CAMTA1: variants seen among roughly 807,000 people sequenced by gnomAD.
The protein encoded by CAMTA1 is calmodulin-binding transcription activator 1.
A neutral mutation model predicts 170.9 loss-of-function variants in CAMTA1; 27 were observed. The observed-to-expected ratio is 0.16, with a 90% confidence interval of 0.12 to 0.22. The LOEUF is 0.22. Ranked by LOEUF, CAMTA1 falls within the 10% of genes least tolerant of loss-of-function variation. CAMTA1 has a pLI of 1.00. For synonymous variants in CAMTA1, 833 were observed against 891.5 expected (o/e 0.93, Z 1.17); for missense variants, 1,619 against 2,217.2 (o/e 0.73, Z 5.42).
At position 7,635,231 on chromosome 1, in the gene CAMTA1, G is replaced by A. The variant is rs546678188; in HGVS notation, c.511-5169G>A. Among the ~76,000 whole-genome samples, 71 of 152,182 alleles carry A rather than the reference G, an allele frequency of 4.7e-4. No individual in the cohort carries two copies. The highest frequency in any genetic ancestry group is 6.8e-3 in the Middle Eastern group (2 of 294). On this transcript the variant is annotated intron_variant, in intron 6 of 22. Coordinates refer to ENST00000303635, the MANE Select transcript of CAMTA1 (RefSeq NM_015215.4). The surrounding 1 kb of genome is among the most constrained non-coding windows in gnomAD (Gnocchi z 4.4). ...TCTTCTTCCCTCCCTGAACCCACAG[G>A]GCCTGACAGGGTGGTGAACCCCACG...
intron 5 of CAMTA1, among the ~76,000 whole-genome samples, chr1:7,394,944 G>A (rs2089147993): frequency 1.3e-5 from 2 of 150,998 alleles, no homozygotes; most frequent in Non-Finnish European, 1.5e-5. Context: ...ATGCAGTGGT[G>A]CAATCTCAGC....
intron 3 of CAMTA1, among the ~76,000 whole-genome samples, chr1:6,950,640 A>G (rs1303534891): frequency 6.6e-6 from 1 of 152,050 alleles, no homozygotes; most frequent in Non-Finnish European, 1.5e-5. Context: ...CCTTGAACTG[A>G]TTAGTAGGTA....
rs1295231685 is a variant in CAMTA1, at chr1:7,372,401, T to TTAC, written c.439-95427_439-95426insCTA. Among the ~76,000 whole-genome samples the TTAC allele has an allele frequency of 4.6e-5, 7 of 152,370 alleles. No homozygotes were observed. In the East Asian group the frequency reaches 1.3e-3, roughly 29 times the overall value. ...GTTTAGTTTTTTGTTTGTTGTTTAG[T>TTAC]TAAACTAGCATGCAGTTTCTTTTTC... On this transcript the variant is annotated intron_variant, in intron 5 of 22. Coordinates refer to ENST00000303635, the MANE Select transcript of CAMTA1 (RefSeq NM_015215.4).
At chr1:7,615,508 G>A (rs1259544488) in intron 6 of CAMTA1, among the ~76,000 whole-genome samples, 1 of 152,246 alleles carries the variant, frequency 6.6e-6, no homozygotes, top group African/African-American at 2.4e-5. Flanking sequence ...TCCCGGAGCT[G>A]TTAAGAGGGT....
At chr1:7,470,285 G>C (rs78185419) in intron 6 of CAMTA1, among the ~76,000 whole-genome samples, 6,984 of 152,346 alleles carry the variant, frequency 0.046, 262 homozygotes, top group South Asian at 0.13. Context: ...TGCACGCCCT[G>C]CTCGGAGCCC....
At chr1:7,712,847 C>A (rs568276700) in intron 11 of CAMTA1, among the ~76,000 whole-genome samples, 39 of 8,802 alleles carry the variant, frequency 4.4e-3, no homozygotes, top group African/African-American at 4.8e-3. Context: ...AAAGGCACGT[C>A]TTAACATGGC....
At chr1:7,488,770 A>T (rs181100581) in intron 6 of CAMTA1, among the ~76,000 whole-genome samples, 19 of 152,218 alleles carry the variant, frequency 1.2e-4, no homozygotes, top group Non-Finnish European at 2.5e-4. Context: ...ACATATGCAC[A>T]TGCTTGTAAT....
At chr1:7,221,002 C>CG (rs1456864489) in intron 4 of CAMTA1, among the ~76,000 whole-genome samples, 1 of 152,184 alleles carries the variant, frequency 6.6e-6, no homozygotes, top group African/African-American at 2.4e-5. Flanking sequence ...TGTGCCCTCA[C>CG]GGGGAATTCC....
intron 3 of CAMTA1, among the ~76,000 whole-genome samples, chr1:6,948,393 TG>T (rs1687908822): frequency 6.6e-6 from 1 of 152,214 alleles, no homozygotes; most frequent in Non-Finnish European, 1.5e-5. Flanking sequence ...GCTTCCCATA[TG>T]TACATGCGTA....
At chr1:7,076,538 G>A (rs1639328073) in intron 3 of CAMTA1, among the ~76,000 whole-genome samples, 1 of 152,120 alleles carries the variant, frequency 6.6e-6, no homozygotes, top group Admixed American at 6.5e-5. Context: ...GAGGTTCTAA[G>A]GATAGGGCCC....
intron 4 of CAMTA1, among the ~76,000 whole-genome samples, chr1:7,124,516 C>A (rs745309023): frequency 1.3e-5 from 2 of 152,240 alleles, no homozygotes; most frequent in African/African-American, 2.4e-5. Flanking sequence ...AATGGGAACT[C>A]GTGCCCTAGA....
chr1:7,060,483 G>A (rs1011798067), intron 3 of CAMTA1, among the ~76,000 whole-genome samples: 1 of 152,222 alleles, frequency 6.6e-6, no homozygotes, highest in African/African-American at 2.4e-5. Flanking sequence ...GTCACATGCC[G>A]AGATGCTGGG....
In CAMTA1 at chr1:7,177,887, T is replaced by C. The variant is rs1025183391; in HGVS notation, c.303-71604T>C. 2.8e-5 allele frequency among the ~76,000 whole-genome samples: 4 copies of C among 144,310 alleles called. No individual in the cohort carries two copies. The South Asian group carries it at 6.8e-4, about 25-fold the overall frequency. The allele number at this position is 144,310 out of a possible 152,430, so 94.7% of individuals were successfully genotyped here. ...CCCCACACACTGCGCCTCCTCCCCA[T>C]ACACTGAGCCCCCTCCCTCAGGCGG... On this transcript the variant is annotated intron_variant, in intron 4 of 22. Coordinates refer to ENST00000303635, the MANE Select transcript of CAMTA1 (RefSeq NM_015215.4).
intron 3 of CAMTA1, among the ~76,000 whole-genome samples, chr1:7,003,058 TA>T (rs1698471859): frequency 6.6e-6 from 1 of 152,214 alleles, no homozygotes; most frequent in South Asian, 2.1e-4. Flanking sequence ...GGCAATTCTT[TA>T]TTTTAAGACT....
chr1:7,002,317 A>AGAAATTCTAT (rs1698341509), intron 3 of CAMTA1, among the ~76,000 whole-genome samples: 1 of 152,194 alleles, frequency 6.6e-6, no homozygotes, highest in Non-Finnish European at 1.5e-5. Flanking sequence ...TACGGGAGTC[A>AGAAATTCTAT]GGAGACCCAC....
intron 4 of CAMTA1, among the ~76,000 whole-genome samples, chr1:7,199,287 G>T (rs1428841636): frequency 6.6e-6 from 1 of 152,218 alleles, no homozygotes; most frequent in Non-Finnish European, 1.5e-5. Context: ...AGCAAGCTGC[G>T]CTCAGCGGGG....
intron 4 of CAMTA1, among the ~76,000 whole-genome samples, chr1:7,145,391 C>T (rs533507760): frequency 6.6e-6 from 1 of 152,324 alleles, no homozygotes; most frequent in Non-Finnish European, 1.5e-5. Flanking sequence ...ATGTGAGGTT[C>T]TATCTTTGAA....
At chr1:7,420,955 A>G (rs1042211962) in intron 5 of CAMTA1, among the ~76,000 whole-genome samples, 5 of 152,154 alleles carry the variant, frequency 3.3e-5, no homozygotes, top group African/African-American at 1.2e-4. Context: ...GCCACAGGCC[A>G]CACACCAGTG....
intron 1 of CAMTA1, among the ~76,000 whole-genome samples, chr1:6,793,282 C>T (rs1449851073): frequency 6.6e-6 from 1 of 152,148 alleles, no homozygotes; most frequent in Non-Finnish European, 1.5e-5. Context: ...AGCATTCATT[C>T]GTTCAGCAGA....
Sources: allele counts gnomAD v4.1 joint callset (sites outside exome capture counted in the v4.1 genomes callset), GRCh38; gene constraint gnomAD v4.1.1; non-coding constraint Gnocchi (gnomAD v3.1); transcripts MANE v1.5; gene names NCBI Gene and HGNC (gene_info 2026-07-23, HGNC 2026-07-21).